SLC6A16: variants seen among roughly 807,000 people sequenced by gnomAD.
SLC6A16 encodes solute carrier family 6 member 16, also known as orphan sodium- and chloride-dependent neurotransmitter transporter NTT5.
SLC6A16 carries 54 observed loss-of-function variants against 65.4 expected under a neutral mutation model. That is an observed-to-expected ratio of 0.83 (90% CI 0.66 to 1.04). SLC6A16 has a LOEUF of 1.04. Ranked by LOEUF, SLC6A16 falls within the 50% of genes least tolerant of loss-of-function variation. SLC6A16 has a pLI of 0.00. For synonymous variants in SLC6A16, 330 were observed against 346.5 expected, an observed-to-expected ratio of 0.95 and a Z score of 0.53; for missense variants, 816 against 914.0, an observed-to-expected ratio of 0.89 and a Z score of 1.38.
chr19:49,289,999 G>T lies in SLC6A16; in HGVS notation c.*124C>A. ...GGCCCCATGAACACCCCCAAAGAAT[G>T]CCCCTCCTCTTGGAAATAAAAGTGG... On this transcript the variant is annotated 3_prime_UTR_variant, in exon 12 of 12. Coordinates refer to ENST00000335875, the MANE Select transcript of SLC6A16 (RefSeq NM_014037.3). 1 of 987,690 alleles carries T rather than the reference G, an allele frequency of 1.0e-6. No homozygotes were observed. Among genetic ancestry groups the T allele is most frequent in the Non-Finnish European group, 1.5e-6 (1 of 672,670 alleles). The allele number at this position is 987,690 out of a possible 1,614,324, so 61.2% of individuals were successfully genotyped here. A position where few individuals can be genotyped will look rare whatever the true frequency, so the allele number is the denominator to read the frequency against.
chr19:49,335,709 C>A, the SLC6A16 span: 2 of 1,613,986 alleles, frequency 1.2e-6, no homozygotes, highest in South Asian at 2.2e-5. The surrounding 1 kb of genome is among the most constrained non-coding windows in gnomAD (Gnocchi z 4.6). Flanking sequence ...ATCTCCTCTC[C>A]CCAGGTCCTC....
intron 2 of SLC6A16, 34 bp from the exon 3 acceptor site, chr19:49,310,544 C>G (rs775373938): frequency 3.2e-5 from 51 of 1,612,926 alleles, no homozygotes; most frequent in Non-Finnish European, 4.2e-5. Context: ...CTCTGAGAAC[C>G]ATGTGGCCTT....
the SLC6A16 span, chr19:49,337,332 A>G: frequency 9.6e-7 from 1 of 1,041,380 alleles, no homozygotes; most frequent in East Asian, 2.4e-5. Context: ...GCTAACCTAG[A>G]TAAAGAGAAA....
chr19:49,310,557 AG>A, intron 2 of SLC6A16, 47 bp from the exon 3 acceptor site: 1 of 1,609,194 alleles, frequency 6.2e-7, no homozygotes, highest in Admixed American at 1.7e-5. Flanking sequence ...GTGGCCTTTC[AG>A]TGCCTGGACT....
At chr19:49,294,835 C>T (rs185668365) in intron 7 of SLC6A16, among the ~76,000 whole-genome samples, 9 of 152,164 alleles carry the variant, frequency 5.9e-5, no homozygotes, top group African/African-American at 1.4e-4. Flanking sequence ...ATTTCTTATA[C>T]GCTGTCTACC....
chr19:49,304,738 TACA>T (rs1459833208), intron 7 of SLC6A16, among the ~76,000 whole-genome samples: 1 of 152,176 alleles, frequency 6.6e-6, no homozygotes. Context: ...TTTTAATATA[TACA>T]ACTGGAAAAT....
At chr19:49,320,424 C>A (rs2682610) in intron 1 of SLC6A16, among the ~76,000 whole-genome samples, 1,766 of 138,386 alleles carry the variant, frequency 0.013, 38 homozygotes, top group African/African-American at 0.043. Flanking sequence ...AACAAACAAA[C>A]AAACAAAAAA....
the SLC6A16 span, chr19:49,332,155 G>A: frequency 2.2e-6 from 1 of 456,690 alleles, no homozygotes; most frequent in Admixed American, 2.3e-5. Context: ...TCCATCTCCT[G>A]GTGGCTCCAG....
At position 49,309,743 on chromosome 19, in the gene SLC6A16, C is replaced by T. The variant is rs200853563; in HGVS notation, c.784G>A (p.Gly262Arg). ...LKASDRIEDGGSPVYSLVLPF... is the reference protein window; with the variant it reads ...LKASDRIEDGRSPVYSLVLPF... The stretch of plus-strand genomic sequence containing the variant: ...AGGACCAGACTGTAGACTGGTGACC[C>T]GCCATCCTCGATTCTGTCTGAGGCC... The change falls in exon 5 of 12, where the codon GGG becomes AGG. Residue 262 changes from glycine to arginine, a missense_variant. Gly to Arg is a moderately radical substitution (Grantham distance 125). Transcript: ENST00000335875. 887 of 1,614,010 alleles carry T rather than the reference C, an allele frequency of 5.5e-4. No homozygotes were observed. The highest frequency in any genetic ancestry group is 6.9e-4 in the Non-Finnish European group (815 of 1,179,962).
Position 49,293,956 on chromosome 19 carries a change from A to G in SLC6A16, c.1489T>C (p.Trp497Arg). 1 of 1,614,030 alleles carries G rather than the reference A, an allele frequency of 6.2e-7. No homozygotes were observed. ...AMSFLPPSVF[W>R]SFIFFLMLLA... ...AACATCAGGAAGAAGATAAAAGACC[A>G]GAAGACAGACGGAGGAAGGAAGGAC... The change falls in exon 9 of 12, where the codon TGG becomes CGG. Residue 497 changes from tryptophan to arginine, a missense_variant. By Grantham distance (101) the Trp-to-Arg change is moderately radical. Transcript: ENST00000335875.
At chr19:49,336,902 C>CT in the SLC6A16 span, 1 of 1,613,926 alleles carries the variant, frequency 6.2e-7, no homozygotes, top group Non-Finnish European at 8.5e-7. Flanking sequence ...CCCCTCACCT[C>CT]TCCCAGGCTT....
At chr19:49,337,531 A>G in the SLC6A16 span, 1 of 845,502 alleles carries the variant, frequency 1.2e-6, no homozygotes, top group Non-Finnish European at 1.7e-6. Flanking sequence ...TCGAGGTGGG[A>G]GGATCACTTG....
At chr19:49,338,420 G>T in the SLC6A16 span, among the ~76,000 whole-genome samples, 1 of 151,816 alleles carries the variant, frequency 6.6e-6, no homozygotes, top group Non-Finnish European at 1.5e-5. This position sits in a 1 kb window ranked among gnomAD's most constrained non-coding sequence, Gnocchi z 5.0. Flanking sequence ...GGGTATCAGA[G>T]GCTCAATTGC....
At chr19:49,337,716 G>T in the SLC6A16 span, 1 of 1,534,626 alleles carries the variant, frequency 6.5e-7, no homozygotes, top group Non-Finnish European at 8.7e-7. Flanking sequence ...GAAAGAAATA[G>T]ACGCCCTGAA....
intron 1 of SLC6A16, among the ~76,000 whole-genome samples, chr19:49,320,196 G>C (rs1229531694): frequency 1.3e-5 from 2 of 152,004 alleles, no homozygotes; most frequent in African/African-American, 4.8e-5. Flanking sequence ...ATCATTTGAG[G>C]TCAGGAGTTC....
At chr19:49,324,183 T>C (rs2146184106) in intron 1 of SLC6A16, among the ~76,000 whole-genome samples, 2 of 151,978 alleles carry the variant, frequency 1.3e-5, no homozygotes, top group East Asian at 3.9e-4. Context: ...TACAAAAAAT[T>C]AGCTGGGGGT....
At chr19:49,320,841 A>G (rs1162483403) in intron 1 of SLC6A16, among the ~76,000 whole-genome samples, 1 of 152,248 alleles carries the variant, frequency 6.6e-6, no homozygotes, top group African/African-American at 2.4e-5. Flanking sequence ...GAATAGATCT[A>G]TAACTAGTAA....
chr19:49,306,930 G>A (rs1240044766), intron 7 of SLC6A16, among the ~76,000 whole-genome samples: 1 of 151,980 alleles, frequency 6.6e-6, no homozygotes, highest in Non-Finnish European at 1.5e-5. Context: ...GGTTACCTCT[G>A]GGAGGCAGTA....
the SLC6A16 span, chr19:49,335,692 T>C: frequency 2.5e-6 from 4 of 1,613,410 alleles, no homozygotes; most frequent in Non-Finnish European, 3.4e-6. This position sits in a 1 kb window ranked among gnomAD's most constrained non-coding sequence, Gnocchi z 4.6. Flanking sequence ...CCCACCCCCG[T>C]ATCCGCATCT....
Sources: gnomAD v4.1 joint callset for allele counts (sites outside exome capture counted in the v4.1 genomes callset) on GRCh38, gnomAD v4.1.1 for gene constraint, Gnocchi (gnomAD v3.1) non-coding constraint, MANE v1.5 for transcripts, NCBI Gene and HGNC (gene_info 2026-07-23, HGNC 2026-07-21) for gene names.